Variants in CPAMD8 observed in about 807,000 individuals in gnomAD.
The protein encoded by CPAMD8 is C3 and PZP like alpha-2-macroglobulin domain containing 8, also known as C3 and PZP-like alpha-2-macroglobulin domain-containing protein 8.
CPAMD8 carries 146 observed loss-of-function variants against 224.7 expected under a neutral mutation model. The ratio of observed to expected loss-of-function variants is 0.65; its 90% CI spans 0.57 to 0.75. The LOEUF is 0.75. Ranked by LOEUF, CPAMD8 falls within the 30% of genes least tolerant of loss-of-function variation. The pLI, the probability that CPAMD8 is intolerant of heterozygous loss-of-function variation, is 0.00. For synonymous variants in CPAMD8, 966 were observed against 1,044.6 expected, an observed-to-expected ratio of 0.92 and a Z score of 1.45; for missense variants, 2,301 against 2,537.5, an observed-to-expected ratio of 0.91 and a Z score of 2.00.
Position 16,960,358 on chromosome 19 carries a change from C to T in CPAMD8, c.2214-2443G>A, listed in dbSNP as rs2054613078. ...AGAGAGATGGAGTGGTTCATCGTGG[C>T]ACTAGGAAAATTAGCAAATAGCCCA... On this transcript the variant is annotated intron_variant, in intron 18 of 41. Transcript: ENST00000443236. 3.3e-5 allele frequency among the ~76,000 whole-genome samples: 5 copies of T among 151,918 alleles called. No individual in the cohort carries two copies. In the South Asian group the frequency reaches 8.3e-4, roughly 25 times the overall value.
intron 17 of CPAMD8, among the ~76,000 whole-genome samples, chr19:16,971,375 C>T (rs1325766649): frequency 6.6e-6 from 1 of 152,030 alleles, no homozygotes; most frequent in Non-Finnish European, 1.5e-5. Context: ...CATTCTTTTA[C>T]TCTGGGTTTG....
chr19:17,002,662 C>A (rs1009721657), intron 8 of CPAMD8: 1 of 238,960 alleles, frequency 4.2e-6, no homozygotes, highest in African/African-American at 2.2e-5. Context: ...CCTCCTAGCC[C>A]CTGTGTCTGT....
Position 16,929,161 on chromosome 19 carries a change from C to T in CPAMD8, c.2925G>A (p.Val975=), listed in dbSNP as rs1414494454. ...QRPLRLTRFD[V]AVRAHNDARV... Reference sequence around the variant, plus strand: ...GGGCATCATTGTGAGCTCGCACAGCCACATCAAAGCGGGTGAGGCGCAGTG... The same window carrying T: ...GGGCATCATTGTGAGCTCGCACAGCTACATCAAAGCGGGTGAGGCGCAGTG... Residue 975 remains valine, a synonymous_variant, in exon 24 of 42, where the codon GTG becomes GTA. Transcript: ENST00000443236. 1 of 1,613,972 alleles carries T rather than the reference C, an allele frequency of 6.2e-7. No homozygotes were observed. The highest frequency in any genetic ancestry group is 8.5e-7 in the Non-Finnish European group (1 of 1,179,990).
At chr19:16,951,853 C>T (rs755396871) in intron 20 of CPAMD8, 116 bp downstream of exon 20, 6 of 692,232 alleles carry the variant, frequency 8.7e-6, no homozygotes, top group East Asian at 5.7e-5. Context: ...TAGAGGCTCT[C>T]GCCCTCCTAA....
intron 30 of CPAMD8, 72 bp downstream of exon 30, chr19:16,906,880 A>G (rs2052537597): frequency 5.0e-6 from 7 of 1,395,288 alleles, no homozygotes; most frequent in Non-Finnish European, 6.9e-6. Flanking sequence ...AAATATGTTC[A>G]TGAGTTGTTT....
chr19:17,000,320 A>C lies in CPAMD8; in HGVS notation c.867+94T>G. ...AAACTTTTTAAAGGCAGTAAATAAA[A>C]TAATAACAATAAGAGAAAGTAAAAT... On this transcript the variant is annotated intron_variant, in intron 10 of 41. Transcript: ENST00000443236. 6.4e-6 allele frequency: 4 copies of C among 622,934 alleles called. No homozygotes were observed. The East Asian group carries it at 1.1e-4, about 17-fold the overall frequency. 38.6% of individuals were successfully genotyped at this position (622,934 alleles called of 1,614,324 possible). A position where few individuals can be genotyped will look rare whatever the true frequency, so the allele number is the denominator to read the frequency against.
At chr19:16,983,778 A>G (rs564102692) in intron 13 of CPAMD8, among the ~76,000 whole-genome samples, 1 of 152,326 alleles carries the variant, frequency 6.6e-6, no homozygotes, top group African/African-American at 2.4e-5. Context: ...TAGTTATGAC[A>G]AATGGATCAT....
intron 32 of CPAMD8, 116 bp from the exon 33 acceptor site, chr19:16,903,973 C>A (rs1257303559): frequency 8.1e-6 from 9 of 1,105,008 alleles, no homozygotes; most frequent in South Asian, 1.5e-5. Flanking sequence ...GGAATAGAGA[C>A]TGGACCCAGT....
At chr19:17,006,314 T>A (rs2056490753) in intron 7 of CPAMD8, among the ~76,000 whole-genome samples, 1 of 151,988 alleles carries the variant, frequency 6.6e-6, no homozygotes, top group African/African-American at 2.4e-5. Flanking sequence ...TCTGTGCTCT[T>A]AAGATCAAGT....
intron 24 of CPAMD8, among the ~76,000 whole-genome samples, chr19:16,928,565 T>C (rs1390510996): frequency 6.6e-6 from 1 of 152,108 alleles, no homozygotes; most frequent in Non-Finnish European, 1.5e-5. Context: ...AAAACCTACT[T>C]TGGTTATGTT....
intron 23 of CPAMD8, among the ~76,000 whole-genome samples, chr19:16,936,834 C>T (rs1346472500): frequency 1.3e-5 from 2 of 152,154 alleles, no homozygotes; most frequent in Admixed American, 6.5e-5. Flanking sequence ...GACTGTAGTT[C>T]CTCCCTTAAC....
At chr19:16,967,338 G>A (rs1220209884) in intron 18 of CPAMD8, among the ~76,000 whole-genome samples, 27 of 150,662 alleles carry the variant, frequency 1.8e-4, no homozygotes, top group East Asian at 5.9e-4. Flanking sequence ...GGGGCCTGTC[G>A]GGGGGTGGGG....
At chr19:16,904,971 T>C (rs2052412737) in intron 30 of CPAMD8, among the ~76,000 whole-genome samples, 1 of 152,222 alleles carries the variant, frequency 6.6e-6, no homozygotes, top group South Asian at 2.1e-4. Flanking sequence ...CCAGGCACAG[T>C]GGCTCACGCC....
rs547310428 is a variant in CPAMD8 at position 16,896,915 on chromosome 19, G to A, written c.5066-250C>T. The A allele has an allele frequency of 2.8e-4, 104 of 366,630 alleles. No individual in the cohort carries two copies. The East Asian group carries it at 3.8e-3, about 13-fold the overall frequency. The allele number at this position is 366,630 out of a possible 1,614,324, so 22.7% of individuals were successfully genotyped here. A position where few individuals can be genotyped will look rare whatever the true frequency, so the allele number is the denominator to read the frequency against. ...TTGTAGGAGAGAAAGGAGACAGGGC[G>A]TCCTGTCTGGGCCGCCCTGCAACAA... On this transcript the variant is annotated intron_variant, in intron 39 of 41. Transcript: ENST00000443236.
At chr19:16,947,282 C>G in intron 20 of CPAMD8, 55 bp from the exon 21 acceptor site, 1 of 1,567,522 alleles carries the variant, frequency 6.4e-7, no homozygotes, top group Admixed American at 1.8e-5. Context: ...CCTCCCAGTG[C>G]CTGGAGGCCC....
intron 12 of CPAMD8, among the ~76,000 whole-genome samples, chr19:16,991,839 A>G: frequency 6.9e-6 from 1 of 145,344 alleles, no homozygotes; most frequent in East Asian, 2.1e-4. Flanking sequence ...TGGGCGACAG[A>G]GCAAGACTCT....
At chr19:17,012,848 T>C (rs1048776889) in intron 3 of CPAMD8, among the ~76,000 whole-genome samples, 7 of 152,178 alleles carry the variant, frequency 4.6e-5, no homozygotes, top group Non-Finnish European at 1.0e-4. Flanking sequence ...TGTCCAGATA[T>C]ATCTATCATG....
chr19:17,014,205 C>T (rs1162731029), intron 3 of CPAMD8, among the ~76,000 whole-genome samples: 1 of 151,988 alleles, frequency 6.6e-6, no homozygotes, highest in Non-Finnish European at 1.5e-5. Context: ...GCATGCACCA[C>T]CATGCCCAGC....
chr19:16,984,245 G>T (rs1172853455), intron 13 of CPAMD8, among the ~76,000 whole-genome samples: 1 of 149,732 alleles, frequency 6.7e-6, no homozygotes, highest in Non-Finnish European at 1.5e-5. Flanking sequence ...AGCCCAGGAG[G>T]TTGAGCTGCA....
Sources: gnomAD v4.1 joint callset for allele counts (sites outside exome capture counted in the v4.1 genomes callset) on GRCh38, gnomAD v4.1.1 for gene constraint, MANE v1.5 for transcripts, NCBI Gene and HGNC (gene_info 2026-07-23, HGNC 2026-07-21) for gene names.